HYDIN: variants seen among roughly 807,000 people sequenced by gnomAD.
The protein encoded by HYDIN is HYDIN axonemal central pair apparatus protein.
A neutral mutation model predicts 403.9 loss-of-function variants in HYDIN; 132 were observed. The observed-to-expected ratio is 0.33, with a 90% CI of 0.28 to 0.38. The LOEUF (loss-of-function observed/expected upper bound fraction) is 0.38, where lower values mean the gene tolerates loss of function less well. Among genes scored for constraint, HYDIN ranks in the 10% least tolerant of loss-of-function variants. The pLI is 1.00. For synonymous variants in HYDIN, 1,202 were observed against 1,891.7 expected, an observed-to-expected ratio of 0.64 and a Z score of 9.46; for missense variants, 2,827 against 5,009.5, an observed-to-expected ratio of 0.56 and a Z score of 13.15.
At chr16:71,179,130 T>C (rs1488415601) in intron 3 of HYDIN, 83 bp from the exon 4 acceptor site, 1 of 1,018,662 alleles carries the variant, frequency 9.8e-7, no homozygotes, top group African/African-American at 1.6e-5. Context: ...TACGTAGACC[T>C]GTGGATATTA....
At chr16:70,837,249 G>A (rs1007955583) in intron 77 of HYDIN, among the ~76,000 whole-genome samples, 2 of 152,018 alleles carry the variant, frequency 1.3e-5, no homozygotes, top group Non-Finnish European at 2.9e-5. Flanking sequence ...TCAATGGGGT[G>A]TTAAGGAAAG....
intron 47 of HYDIN, among the ~76,000 whole-genome samples, chr16:70,915,353 C>T (rs2076807790): frequency 6.6e-6 from 1 of 152,086 alleles, no homozygotes; most frequent in African/African-American, 2.4e-5. Context: ...AGTATGCTCC[C>T]CCTTTTTCTA....
intron 6 of HYDIN, among the ~76,000 whole-genome samples, chr16:71,157,261 C>T (rs947733057): frequency 1.1e-4 from 16 of 150,630 alleles, no homozygotes; most frequent in East Asian, 1.9e-4. Context: ...ATTATTTCAA[C>T]GAGAAAAGGA....
chr16:71,060,801 A>G, intron 17 of HYDIN, 145 bp from the exon 18 acceptor site: 1 of 651,870 alleles, frequency 1.5e-6, no homozygotes, highest in South Asian at 1.9e-5. Flanking sequence ...GGTCTCGGGA[A>G]CACAGCGAGG....
intron 12 of HYDIN, among the ~76,000 whole-genome samples, chr16:71,082,699 A>T (rs1253229543): frequency 1.5e-5 from 2 of 135,372 alleles, no homozygotes; most frequent in Non-Finnish European, 3.1e-5. Flanking sequence ...AGTACACCTT[A>T]ACCTATTTAG....
At chr16:71,046,843 T>C (rs1430714522) in intron 18 of HYDIN, among the ~76,000 whole-genome samples, 1 of 152,208 alleles carries the variant, frequency 6.6e-6, no homozygotes, top group Non-Finnish European at 1.5e-5. Flanking sequence ...TATGACTGTA[T>C]ACTATCAGTG....
At chr16:71,178,496 C>A (rs549927909) in intron 4 of HYDIN, among the ~76,000 whole-genome samples, 159 of 146,976 alleles carry the variant, frequency 1.1e-3, no homozygotes, top group Non-Finnish European at 1.9e-3. Context: ...TATATACAGA[C>A]ATACATATAT....
intron 47 of HYDIN, among the ~76,000 whole-genome samples, chr16:70,914,046 T>C: frequency 6.7e-6 from 1 of 149,486 alleles, no homozygotes; most frequent in Non-Finnish European, 1.5e-5. Flanking sequence ...AGGCAGCAGA[T>C]AGTTGGTTGG....
At chr16:71,168,632 T>C (rs1317690964) in intron 5 of HYDIN, among the ~76,000 whole-genome samples, 1 of 152,050 alleles carries the variant, frequency 6.6e-6, no homozygotes, top group Non-Finnish European at 1.5e-5. Flanking sequence ...CATTCTAGCA[T>C]GCAGTTCCCA....
At chr16:70,838,544 CTCATAAGAAGGA>C (rs2037599157) in intron 76 of HYDIN, among the ~76,000 whole-genome samples, 1 of 152,068 alleles carries the variant, frequency 6.6e-6, no homozygotes. Context: ...TTTGTACCCT[CTCATAAGAAGGA>C]AGTGCTTCCA....
chr16:71,132,970 T>C (rs1308323817), intron 8 of HYDIN: 6 of 196,606 alleles, frequency 3.1e-5, no homozygotes, highest in African/African-American at 1.4e-4. Flanking sequence ...AGGAGACCTT[T>C]CATCAGACAG....
At chr16:71,180,632 A>AG (rs374315164) in intron 3 of HYDIN, among the ~76,000 whole-genome samples, 93 of 144,744 alleles carry the variant, frequency 6.4e-4, no homozygotes, top group Admixed American at 2.3e-3. Context: ...AAAGAAAGAG[A>AG]AAAAAAATTT....
chr16:70,964,413 C>A (rs940907119), intron 37 of HYDIN, among the ~76,000 whole-genome samples: 2 of 151,344 alleles, frequency 1.3e-5, no homozygotes, highest in Non-Finnish European at 2.9e-5. Flanking sequence ...CCTCTCTGCG[C>A]TTCAGTTTCT....
chr16:71,020,790 T>C (rs1003933798), intron 21 of HYDIN, among the ~76,000 whole-genome samples: 2 of 145,752 alleles, frequency 1.4e-5, no homozygotes, highest in East Asian at 2.0e-4. Flanking sequence ...GCCTGGGTGA[T>C]AGAGTAGGAC....
In HYDIN at chr16:70,808,069, G is replaced by A; in HGVS notation, c.14884-7C>T. ...GGAAGTCTGTACAGTCGGTCTGAAA[G>A]GGGAACAAACAAACTCAGCTCACGT... On this transcript the variant is annotated splice_region_variant and splice_polypyrimidine_tract_variant and intron_variant, in intron 85 of 85. Transcript: ENST00000393567. 6.3e-7 allele frequency: 1 copy of A among 1,594,708 alleles called. No homozygotes were observed. The highest frequency in any genetic ancestry group is 1.1e-5 in the South Asian group (1 of 88,200).
chr16:71,010,616 C>T (rs1317385354), intron 23 of HYDIN, among the ~76,000 whole-genome samples: 1 of 151,956 alleles, frequency 6.6e-6, no homozygotes, highest in Non-Finnish European at 1.5e-5. Flanking sequence ...AGCCGAGGCT[C>T]AGGGAGGCTC....
chr16:70,955,095 T>C lies in HYDIN; in HGVS notation c.6316+280A>G, dbSNP rs1186536065. Among the ~76,000 whole-genome samples the C allele has an allele frequency of 3.3e-5, 5 of 152,240 alleles. No homozygotes were observed. In the East Asian group the frequency reaches 9.6e-4, roughly 29 times the overall value. On this transcript the variant is annotated intron_variant, in intron 40 of 85. Coordinates refer to ENST00000393567, the MANE Select transcript of HYDIN (RefSeq NM_001270974.2). ...CTGCTCTGAGTGACCGCATGTCTGC[T>C]TCCCCCACCAGGTGTCAGACTTCCA...
At chr16:70,880,503 CT>C (rs2143683175) in intron 60 of HYDIN, among the ~76,000 whole-genome samples, 2 of 152,086 alleles carry the variant, frequency 1.3e-5, no homozygotes, top group South Asian at 4.2e-4. Context: ...ATCCGCTGGT[CT>C]TCTAAAGGGC....
Position 70,818,446 on chromosome 16 carries a change from T to C in HYDIN, c.14554A>G (p.Ile4852Val), listed in dbSNP as rs2035994228. The change falls in exon 84 of 86, where the codon ATC (isoleucine) becomes GTC (valine). Residue 4852 changes from isoleucine to valine, a missense_variant. Ile to Val is a conservative substitution (Grantham distance 29). Transcript: ENST00000393567. ...TAGGGCAGAGGGTTCTCCAACTTGATGGAGGCTGACGCAACTTGCCGGACT... is the reference window on the plus strand; with the variant it reads ...TAGGGCAGAGGGTTCTCCAACTTGACGGAGGCTGACGCAACTTGCCGGACT... ...TPVRQVASAS[I>V]KLENPLPYSV... 2 of 1,608,724 alleles carry C rather than the reference T, an allele frequency of 1.2e-6. No homozygotes were observed. The highest frequency in any genetic ancestry group is 8.5e-7 in the Non-Finnish European group (1 of 1,177,486).
Sources: gnomAD v4.1 joint callset for allele counts (sites outside exome capture counted in the v4.1 genomes callset) on GRCh38, gnomAD v4.1.1 for gene constraint, MANE v1.5 for transcripts, NCBI Gene and HGNC (gene_info 2026-07-23, HGNC 2026-07-21) for gene names.